TMOD1: variants seen among roughly 807,000 people sequenced by gnomAD.
The protein encoded by TMOD1 is tropomodulin-1.
TMOD1 carries 17 observed loss-of-function variants against 40.6 expected under a neutral mutation model. The ratio of observed to expected loss-of-function variants is 0.42; its 90% CI spans 0.29 to 0.63. The LOEUF (loss-of-function observed/expected upper bound fraction) is 0.63. Ranked by LOEUF, TMOD1 falls within the 20% of genes least tolerant of loss-of-function variation. The probability of loss-of-function intolerance (pLI) is 0.22; values close to 1 mark genes in which losing one functional copy is unlikely to be tolerated. For synonymous variants in TMOD1, 181 were observed against 175.0 expected (o/e 1.03, Z -0.27); for missense variants, 391 against 447.6 (o/e 0.87, Z 1.14).
At chr9:97,523,733 TC>T (rs1422937141) in intron 1 of TMOD1, among the ~76,000 whole-genome samples, 1 of 152,190 alleles carries the variant, frequency 6.6e-6, no homozygotes, top group Non-Finnish European at 1.5e-5. Flanking sequence ...CCACCGATAC[TC>T]CCCTGCCCCT....
intron 2 of TMOD1, among the ~76,000 whole-genome samples, chr9:97,535,295 G>A (rs1046507352): frequency 6.6e-6 from 1 of 152,166 alleles, no homozygotes. Flanking sequence ...GGGCTGGAAC[G>A]AGGGTGATGC....
At chr9:97,545,285 G>A (rs1280234784) in intron 2 of TMOD1, among the ~76,000 whole-genome samples, 2 of 152,214 alleles carry the variant, frequency 1.3e-5, no homozygotes, top group Admixed American at 6.5e-5. Flanking sequence ...ATGGGAGAGT[G>A]TGTGCACTGA....
intron 4 of TMOD1, among the ~76,000 whole-genome samples, chr9:97,555,862 C>T (rs886236354): frequency 6.6e-6 from 1 of 152,202 alleles, no homozygotes; most frequent in Non-Finnish European, 1.5e-5. Context: ...CAACTTCATT[C>T]TAGGGCCTAT....
intron 2 of TMOD1, among the ~76,000 whole-genome samples, chr9:97,530,114 G>A (rs974377265): frequency 5.3e-5 from 8 of 152,132 alleles, no homozygotes; most frequent in Admixed American, 3.3e-4. Flanking sequence ...GAGCAGATTG[G>A]GGAATTATGC....
At position 97,561,502 on chromosome 9, in the gene TMOD1, C is replaced by T. The variant is rs1008420018; in HGVS notation, c.398-1230C>T. 8.5e-5 allele frequency among the ~76,000 whole-genome samples: 13 copies of T among 152,304 alleles called. No homozygotes were observed. In the South Asian group the frequency reaches 2.7e-3, roughly 32 times the overall value. ...CTGGGCATCAGGAATTTCAACAGAT[C>T]CCCAGGTGATTCCAGTGTGCAGCCA... On this transcript the variant is annotated intron_variant, in intron 4 of 9. Transcript: ENST00000259365.
At chr9:97,598,894 T>C (rs545760860) in intron 9 of TMOD1, among the ~76,000 whole-genome samples, 2 of 152,298 alleles carry the variant, frequency 1.3e-5, no homozygotes, top group South Asian at 4.1e-4. Context: ...CAGACTTCTT[T>C]GACCTTTCTC....
rs1386538317 is a variant in TMOD1 at position 97,501,802 on chromosome 9, G to C, written c.-50G>C. Reference sequence around the variant, plus strand: ...GCGCCGGCCCCACAGCTCTGCGTCCGGGTAAGCCCCCACCCCGCCTGGGGT... The same window carrying C: ...GCGCCGGCCCCACAGCTCTGCGTCCCGGTAAGCCCCCACCCCGCCTGGGGT... On this transcript the variant is annotated splice_region_variant and 5_prime_UTR_variant, in exon 1 of 10. Coordinates refer to ENST00000259365, the MANE Select transcript of TMOD1 (RefSeq NM_003275.4). The C allele has an allele frequency of 6.6e-6, 1 of 151,006 alleles. No individual in the cohort carries two copies. The highest frequency in any genetic ancestry group is 1.5e-5 in the Non-Finnish European group (1 of 68,260). 9.4% of individuals were successfully genotyped at this position (151,006 alleles called of 1,614,324 possible). A position where few individuals can be genotyped will look rare whatever the true frequency, so the allele number is the denominator to read the frequency against.
chr9:97,568,822 A>C, intron 7 of TMOD1, 72 bp from the exon 8 acceptor site: 1 of 1,575,024 alleles, frequency 6.3e-7, no homozygotes. Flanking sequence ...GTGTCTTAGG[A>C]TCTACCCAGA....
At chr9:97,570,612 G>T (rs1347063625) in intron 8 of TMOD1, among the ~76,000 whole-genome samples, 1 of 152,030 alleles carries the variant, frequency 6.6e-6, no homozygotes, top group Admixed American at 6.5e-5. Flanking sequence ...AAGAGAGTTA[G>T]ATACCTCTTC....
intron 3 of TMOD1, among the ~76,000 whole-genome samples, chr9:97,549,022 A>G (rs1830409879): frequency 6.6e-6 from 1 of 152,142 alleles, no homozygotes; most frequent in African/African-American, 2.4e-5. Context: ...ACCTGATAGT[A>G]TGTGGGAAGA....
chr9:97,567,125 TCA>T (rs1830741001), intron 7 of TMOD1, among the ~76,000 whole-genome samples: 1 of 152,234 alleles, frequency 6.6e-6, no homozygotes, highest in South Asian at 2.1e-4. Context: ...TAGAAATAGC[TCA>T]CAGTCTCTCA....
chr9:97,546,310 A>G lies in TMOD1; in HGVS notation c.246A>G (p.Glu82=). Residue 82 remains glutamate, a synonymous_variant, in exon 3 of 10, where the codon GAA becomes GAG. Coordinates refer to ENST00000259365, the MANE Select transcript of TMOD1 (RefSeq NM_003275.4). ...AAGCAAAGGAGTTTAAGGACCGAGA[A>G]GATCTGGTCCCCTACACAGGGGAAA... ...EKQAKEFKDR[E]DLVPYTGEKR... The G allele has an allele frequency of 6.2e-7, 1 of 1,614,078 alleles. No homozygotes were observed. Among genetic ancestry groups the G allele is most frequent in the Non-Finnish European group, 8.5e-7 (1 of 1,179,992 alleles).
Position 97,601,111 on chromosome 9 carries a change from T to A in TMOD1, c.*1413T>A, listed in dbSNP as rs988920422. Reference sequence around the variant, plus strand: ...AGGGCCTCAGCGCTATGGAAGAGTGTCCACTGAGGCTGCACATGGCCCAGG... The same window carrying A: ...AGGGCCTCAGCGCTATGGAAGAGTGACCACTGAGGCTGCACATGGCCCAGG... On this transcript the variant is annotated 3_prime_UTR_variant, in exon 10 of 10. Transcript: ENST00000259365. The A allele has an allele frequency of 9.2e-6, 12 of 1,304,142 alleles. No individual in the cohort carries two copies. In the African/African-American group the frequency reaches 1.8e-4, roughly 20 times the overall value. The allele number at this position is 1,304,142 out of a possible 1,614,324, so 80.8% of individuals were successfully genotyped here.
At chr9:97,515,834 C>T (rs1006882943) in intron 1 of TMOD1, among the ~76,000 whole-genome samples, 1 of 152,132 alleles carries the variant, frequency 6.6e-6, no homozygotes, top group Admixed American at 6.5e-5. Context: ...TGTTTCTCCT[C>T]GGCTCTCTTC....
chr9:97,504,800 C>T (rs1829566442), intron 1 of TMOD1, among the ~76,000 whole-genome samples: 1 of 152,180 alleles, frequency 6.6e-6, no homozygotes, highest in Admixed American at 6.5e-5. Context: ...TCGTAATGGC[C>T]TTTTCCAGTC....
rs531846640 is a variant in TMOD1, at chr9:97,528,232, C to T, written c.120+3924C>T. Among the ~76,000 whole-genome samples the T allele has an allele frequency of 7.9e-4, 120 of 152,276 alleles. 2 individuals carry two copies. Among genetic ancestry groups the T allele is most frequent in the Middle Eastern group, 3.4e-3 (1 of 294 alleles). On this transcript the variant is annotated intron_variant, in intron 2 of 9. Coordinates refer to ENST00000259365, the MANE Select transcript of TMOD1 (RefSeq NM_003275.4). ...GACAGAGCACCTGGGGCTCAACTTG[C>T]TGACGGTCGCAGGACCCAGGCAGGC...
chr9:97,522,738 T>G (rs1266127027), intron 1 of TMOD1, among the ~76,000 whole-genome samples: 3 of 152,026 alleles, frequency 2.0e-5, no homozygotes, highest in African/African-American at 7.3e-5. Flanking sequence ...AATTTTTGTA[T>G]TTTTTGTAGA....
chr9:97,562,602 T>A, intron 4 of TMOD1, 130 bp from the exon 5 acceptor site: 2 of 620,586 alleles, frequency 3.2e-6, no homozygotes, highest in Non-Finnish European at 5.4e-6. Flanking sequence ...TAAAATAAAA[T>A]TTTGAAGTTT....
intron 8 of TMOD1, among the ~76,000 whole-genome samples, chr9:97,572,594 C>T (rs950732241): frequency 1.5e-4 from 23 of 152,224 alleles, no homozygotes; most frequent in African/African-American, 5.3e-4. Context: ...CAGCCCCAGG[C>T]TGGGGGGAGG....
Sources: gnomAD v4.1 joint callset for allele counts (sites outside exome capture counted in the v4.1 genomes callset) on GRCh38, gnomAD v4.1.1 for gene constraint, MANE v1.5 for transcripts, NCBI Gene and HGNC (gene_info 2026-07-23, HGNC 2026-07-21) for gene names.